KLF12: variants seen among roughly 807,000 people sequenced by gnomAD.
The protein encoded by KLF12 is KLF transcription factor 12.
In KLF12, 9 loss-of-function variants were observed where a neutral mutation model predicts 37.8. That is an observed-to-expected ratio of 0.24 (90% CI 0.14 to 0.42). KLF12 has a LOEUF of 0.42. KLF12 is among the 10% of genes least tolerant of loss of function. KLF12 has a pLI of 1.00. For synonymous variants in KLF12, 208 were observed against 202.1 expected (o/e 1.03, Z -0.25); for missense variants, 411 against 516.0 (o/e 0.80, Z 1.97).
At chr13:74,083,231 G>A (rs928401272) in intron 1 of KLF12, among the ~76,000 whole-genome samples, 3 of 152,162 alleles carry the variant, frequency 2.0e-5, no homozygotes, top group African/African-American at 7.2e-5. Flanking sequence ...GATGTATTGA[G>A]GCCGGGCGCA....
chr13:74,197,569 C>T, the KLF12 span, among the ~76,000 whole-genome samples: 2 of 152,032 alleles, frequency 1.3e-5, no homozygotes, highest in Non-Finnish European at 1.5e-5. Flanking sequence ...ACTAGTGATA[C>T]TTTTGGTTCT....
intron 1 of KLF12, among the ~76,000 whole-genome samples, chr13:74,017,840 T>A (rs2138404885): frequency 6.6e-6 from 1 of 152,144 alleles, no homozygotes; most frequent in South Asian, 2.1e-4. Context: ...TCAATGATTG[T>A]CTAACCCTCC....
chr13:74,165,002 A>G, the KLF12 span, among the ~76,000 whole-genome samples: 1 of 152,192 alleles, frequency 6.6e-6, no homozygotes, highest in Non-Finnish European at 1.5e-5. Context: ...CAACAGGGTG[A>G]CTACAGTCAA....
chr13:74,199,966 A>G, the KLF12 span, among the ~76,000 whole-genome samples: 4 of 152,104 alleles, frequency 2.6e-5, no homozygotes, highest in Non-Finnish European at 5.9e-5. Flanking sequence ...TTCAGTAAAC[A>G]CTTATAGCAT....
At chr13:74,256,744 C>T in the KLF12 span, among the ~76,000 whole-genome samples, 6 of 148,770 alleles carry the variant, frequency 4.0e-5, no homozygotes, top group South Asian at 2.1e-4. Context: ...TCTGTTGCCA[C>T]GCTGTTTTGG....
intron 6 of KLF12, among the ~76,000 whole-genome samples, chr13:73,742,512 C>T (rs188419622): frequency 6.8e-4 from 104 of 152,094 alleles, no homozygotes; most frequent in Non-Finnish European, 1.1e-3. Context: ...ACTTTACATG[C>T]GTCATTTTAT....
intron 3 of KLF12, among the ~76,000 whole-genome samples, chr13:73,925,329 C>T (rs1889323146): frequency 6.6e-6 from 1 of 152,170 alleles, no homozygotes; most frequent in Non-Finnish European, 1.5e-5. Context: ...AGCCAGTGCA[C>T]ATTTACAACT....
intron 1 of KLF12, among the ~76,000 whole-genome samples, chr13:74,040,692 A>G (rs762385478): frequency 9.2e-5 from 14 of 152,328 alleles, no homozygotes; most frequent in Middle Eastern, 3.4e-3. Context: ...TCCTTTAGGG[A>G]GTCATCCCCT....
At chr13:74,250,967 G>A in the KLF12 span, among the ~76,000 whole-genome samples, 5 of 152,034 alleles carry the variant, frequency 3.3e-5, no homozygotes, top group Non-Finnish European at 7.4e-5. Context: ...TCTTCTCAAG[G>A]GAGCCCAGGA....
At chr13:74,089,622 G>T (rs1875528565) in intron 1 of KLF12, among the ~76,000 whole-genome samples, 2 of 151,680 alleles carry the variant, frequency 1.3e-5, no homozygotes, top group Non-Finnish European at 2.9e-5. Context: ...TTCATCCCAG[G>T]TACGCAAGGT....
the KLF12 span, among the ~76,000 whole-genome samples, chr13:74,201,676 T>C: frequency 2.6e-5 from 4 of 152,118 alleles, no homozygotes; most frequent in Non-Finnish European, 4.4e-5. Context: ...AATGCAGAGA[T>C]GTAATTCAGA....
At chr13:73,973,822 A>G (rs1891418806) in intron 2 of KLF12, among the ~76,000 whole-genome samples, 1 of 152,182 alleles carries the variant, frequency 6.6e-6, no homozygotes, top group African/African-American at 2.4e-5. Context: ...TAAAAGCAGA[A>G]GGCTTCATGT....
At chr13:74,054,313 TTG>T (rs1566520677) in intron 1 of KLF12, among the ~76,000 whole-genome samples, 1 of 152,120 alleles carries the variant, frequency 6.6e-6, no homozygotes, top group East Asian at 1.9e-4. Context: ...GGCCAAAAAT[TTG>T]GTATCATTTA....
At chr13:73,712,649 T>C (rs578255193) in intron 7 of KLF12, among the ~76,000 whole-genome samples, 22 of 152,340 alleles carry the variant, frequency 1.4e-4, no homozygotes, top group African/African-American at 5.3e-4. Flanking sequence ...AAATCTTCTA[T>C]GAAATAAGAG....
intron 3 of KLF12, among the ~76,000 whole-genome samples, chr13:73,934,568 T>A (rs1045360482): frequency 6.6e-6 from 1 of 152,222 alleles, no homozygotes; most frequent in Non-Finnish European, 1.5e-5. Flanking sequence ...TCTTCTTTCC[T>A]GACTGATTTC....
the KLF12 span, among the ~76,000 whole-genome samples, chr13:74,206,332 T>TA: frequency 6.6e-6 from 1 of 152,196 alleles, no homozygotes; most frequent in Admixed American, 6.5e-5. Flanking sequence ...GAATTTGTTA[T>TA]AAAAACATTG....
At chr13:74,197,939 T>A in the KLF12 span, among the ~76,000 whole-genome samples, 9 of 151,778 alleles carry the variant, frequency 5.9e-5, no homozygotes, top group Admixed American at 2.6e-4. Flanking sequence ...TTAAAAAAAA[T>A]TTTCTAGCAA....
At chr13:74,145,362 C>G in the KLF12 span, among the ~76,000 whole-genome samples, 1 of 152,110 alleles carries the variant, frequency 6.6e-6, no homozygotes, top group Non-Finnish European at 1.5e-5. Flanking sequence ...TGTCATGATA[C>G]AATTTGCTAT....
At chr13:73,714,285 T>C (rs6650444) in intron 7 of KLF12, among the ~76,000 whole-genome samples, 3,489 of 152,044 alleles carry the variant, frequency 0.023, 147 homozygotes, top group African/African-American at 0.078. Flanking sequence ...TCTAATTAAG[T>C]AGGAAAGGGA....
Sources: gnomAD v4.1 joint callset for allele counts (sites outside exome capture counted in the v4.1 genomes callset) on GRCh38, gnomAD v4.1.1 for gene constraint, MANE v1.5 for transcripts, NCBI Gene and HGNC (gene_info 2026-07-23, HGNC 2026-07-21) for gene names.